The following CALB1 variants were observed in gnomAD, a reference collection of about 807,000 sequenced individuals.
CALB1 encodes calbindin 1, also known as calbindin.
A neutral mutation model predicts 46.7 loss-of-function variants in CALB1; 16 were observed. The observed-to-expected ratio is 0.34, with a 90% CI of 0.23 to 0.52. The LOEUF (loss-of-function observed/expected upper bound fraction) is 0.52. Ranked by LOEUF, CALB1 falls within the 20% of genes least tolerant of loss-of-function variation. The pLI is 0.95. For missense variants in CALB1, 224 were observed against 300.3 expected (o/e 0.75, Z 1.88); for synonymous variants, 90 against 112.8 (o/e 0.80, Z 1.28).
chr8:90,060,924 A>C, intron 9 of CALB1: 2 of 524,350 alleles, frequency 3.8e-6, no homozygotes, highest in Non-Finnish European at 6.8e-6. Flanking sequence ...AAAGATCTTG[A>C]ACTTTTCAAA....
chr8:90,058,963 A>G lies in CALB1; in HGVS notation c.*1210T>C, dbSNP rs1020903138. On this transcript the variant is annotated 3_prime_UTR_variant, in exon 11 of 11. Coordinates refer to ENST00000265431, the MANE Select transcript of CALB1 (RefSeq NM_004929.4). ...TAAAATCACCAACTGTTACATATCA[A>G]CTATAACCAGTATAGGATATTCTAG... The G allele has an allele frequency of 6.6e-6, 1 of 152,192 alleles. No homozygotes were observed. The highest frequency in any genetic ancestry group is 1.9e-4 in the East Asian group (1 of 5,204). The allele number at this position is 152,192 out of a possible 1,614,324, so 9.4% of individuals were successfully genotyped here. A position where few individuals can be genotyped will look rare whatever the true frequency, so the allele number is the denominator to read the frequency against.
At position 90,060,184 on chromosome 8, in the gene CALB1, C is replaced by A. The variant is rs778964362; in HGVS notation, c.775G>T (p.Gly259Trp). 1.9e-6 allele frequency: 3 copies of A among 1,610,518 alleles called. No homozygotes were observed. Among genetic ancestry groups the A allele is most frequent in the Non-Finnish European group, 2.5e-6 (3 of 1,176,808 alleles). Residue 259 changes from glycine to tryptophan, a missense_variant, in exon 11 of 11, where the codon GGG (glycine) becomes TGG (tryptophan). Gly to Trp is a radical substitution (Grantham distance 184). Coordinates refer to ENST00000265431, the MANE Select transcript of CALB1 (RefSeq NM_004929.4). ...TGCGGCCACCAACTCTAGTTATCCCCAGCACAGAGAATAAGAGCAAGATCC... is the reference window on the plus strand; with the variant it reads ...TGCGGCCACCAACTCTAGTTATCCCAAGCACAGAGAATAAGAGCAAGATCC... Reference protein sequence around the residue: ...RTDLALILCAGDN With the variant: ...RTDLALILCAWDN
At chr8:90,062,999 T>C (rs1814330733) in intron 9 of CALB1, 101 bp downstream of exon 9, 1 of 728,420 alleles carries the variant, frequency 1.4e-6, no homozygotes, top group South Asian at 1.8e-5. Context: ...ATTGTCTCTA[T>C]AGTTTGCAGT....
At position 90,059,900 on chromosome 8, in the gene CALB1, A is replaced by ATAT. The variant is rs1318296589; in HGVS notation, c.*270_*272dup. 5 of 309,080 alleles carry ATAT rather than the reference A, an allele frequency of 1.6e-5. No homozygotes were observed. Among genetic ancestry groups the ATAT allele is most frequent in the African/African-American group, 1.1e-4 (5 of 46,832 alleles). The allele number at this position is 309,080 out of a possible 1,614,324, so 19.1% of individuals were successfully genotyped here. On this transcript the variant is annotated 3_prime_UTR_variant, in exon 11 of 11. Transcript: ENST00000265431. ...ATTTTTAGGGAAATCTTGTTCAACT[A>ATAT]TATTTGTGAAAGCAAGAATATGTTA...
intron 2 of CALB1, 81 bp downstream of exon 2, chr8:90,081,945 A>G (rs2130256384): frequency 1.6e-6 from 2 of 1,268,116 alleles, no homozygotes; most frequent in Non-Finnish European, 2.2e-6. Context: ...GCTTTACGCT[A>G]CTGGCTTTTT....
At chr8:90,073,862 A>G (rs982038615) in intron 3 of CALB1, among the ~76,000 whole-genome samples, 31 of 152,190 alleles carry the variant, frequency 2.0e-4, no homozygotes, top group African/African-American at 7.5e-4. Context: ...AAAAACAACA[A>G]TAAAGCTAAG....
At chr8:90,060,527 C>G (rs1238206332) in intron 10 of CALB1, 102 bp downstream of exon 10, 1 of 931,304 alleles carries the variant, frequency 1.1e-6, no homozygotes, top group East Asian at 2.4e-5. Flanking sequence ...TTCTGCTCCT[C>G]TATAAATTGT....
At chr8:90,078,350 A>T (rs1378735265) in intron 3 of CALB1, 23 bp downstream of exon 3, 1 of 1,437,968 alleles carries the variant, frequency 7.0e-7, no homozygotes, top group Non-Finnish European at 9.7e-7. Context: ...AAATTAAATC[A>T]GAAAAATGCA....
intron 3 of CALB1, among the ~76,000 whole-genome samples, chr8:90,074,233 C>A (rs539204452): frequency 6.6e-6 from 1 of 152,190 alleles, no homozygotes; most frequent in East Asian, 1.9e-4. Context: ...GTAACAATAA[C>A]TGCAAATACA....
intron 3 of CALB1, among the ~76,000 whole-genome samples, chr8:90,075,548 T>G (rs982412344): frequency 1.3e-5 from 2 of 152,152 alleles, no homozygotes; most frequent in African/African-American, 4.8e-5. Flanking sequence ...TTTATAGGAT[T>G]TCTAAGCAAG....
In CALB1 at chr8:90,065,801, C is replaced by T. The variant is rs143656616; in HGVS notation, c.450+97G>A. ...TATGTGCATATGATGCCCACACCAC[C>T]GTTTATTTATTTCATCCTGTGTAGC... is the stretch of plus-strand genomic sequence containing the variant. On this transcript the variant is annotated intron_variant, in intron 6 of 10. Transcript: ENST00000265431. 208 of 763,618 alleles carry T rather than the reference C, an allele frequency of 2.7e-4. 1 individual carries two copies. The African/African-American group carries it at 3.1e-3, about 11-fold the overall frequency. 47.3% of individuals were successfully genotyped at this position (763,618 alleles called of 1,614,324 possible).
At chr8:90,060,366 T>A in intron 10 of CALB1, 80 bp from the exon 11 acceptor site, 1 of 872,092 alleles carries the variant, frequency 1.1e-6, no homozygotes, top group South Asian at 1.3e-5. Context: ...AAATGTGAGA[T>A]GAAACTACTT....
chr8:90,073,016 A>G (rs1213446216), intron 3 of CALB1, among the ~76,000 whole-genome samples: 1 of 152,006 alleles, frequency 6.6e-6, no homozygotes, highest in Non-Finnish European at 1.5e-5. Context: ...ACAACTTCCT[A>G]CTTGCTTGTC....
intron 5 of CALB1, 144 bp from the exon 6 acceptor site, chr8:90,066,119 T>C (rs1814391857): frequency 4.9e-6 from 3 of 612,752 alleles, no homozygotes; most frequent in South Asian, 2.0e-5. Context: ...GAGGAACTTA[T>C]AATAGAAGAA....
Position 90,063,321 on chromosome 8 carries a change from C to A in CALB1, c.507-1G>T. The A allele has an allele frequency of 1.3e-6, 2 of 1,593,044 alleles. No homozygotes were observed. The highest frequency in any genetic ancestry group is 1.7e-6 in the Non-Finnish European group (2 of 1,163,696). On this transcript the variant is annotated splice_acceptor_variant, in intron 7 of 10. Transcript: ENST00000265431. LOFTEE classifies it high-confidence loss of function. ...AAAATTCTCCTGCACTGGTAGTAAC[C>A]TTTTGAGAGAAAAACATTATATTAA... is the stretch of plus-strand genomic sequence containing the variant.
intron 9 of CALB1, chr8:90,061,673 T>C (rs1270164042): frequency 6.6e-6 from 1 of 151,862 alleles, no homozygotes; most frequent in Admixed American, 6.6e-5. Context: ...ACTTATACAC[T>C]AAAAATCATA....
intron 2 of CALB1, among the ~76,000 whole-genome samples, chr8:90,079,038 A>G (rs927727853): frequency 1.3e-5 from 2 of 152,046 alleles, no homozygotes; most frequent in Non-Finnish European, 2.9e-5. Context: ...TAAACTAGTG[A>G]TCTGAACATA....
chr8:90,077,198 A>G (rs1814637376), intron 3 of CALB1, among the ~76,000 whole-genome samples: 1 of 151,996 alleles, frequency 6.6e-6, no homozygotes, highest in South Asian at 2.1e-4. Flanking sequence ...AAGTCCCATT[A>G]CTATTATCTA....
chr8:90,067,328 A>G (rs770589180), intron 5 of CALB1, among the ~76,000 whole-genome samples: 1 of 152,182 alleles, frequency 6.6e-6, no homozygotes, highest in Non-Finnish European at 1.5e-5. Flanking sequence ...GAGGACTTCT[A>G]TTTAGAATCT....
Sources: gnomAD v4.1 joint callset for allele counts (sites outside exome capture counted in the v4.1 genomes callset) on GRCh38, gnomAD v4.1.1 for gene constraint, MANE v1.5 for transcripts, NCBI Gene and HGNC (gene_info 2026-07-23, HGNC 2026-07-21) for gene names.